Variants in OXR1 observed in about 807,000 individuals in gnomAD.
OXR1 encodes the protein oxidation resistance protein 1.
A neutral mutation model predicts 104.6 loss-of-function variants in OXR1; 41 were observed. That is an observed-to-expected ratio of 0.39 (90% CI 0.31 to 0.51). The LOEUF is 0.51. OXR1 is among the 20% of genes least tolerant of loss of function. The pLI, the probability that OXR1 is intolerant of heterozygous loss-of-function variation, is 0.77. For synonymous variants in OXR1, 348 were observed against 348.4 expected, an observed-to-expected ratio of 1.00 and a Z score of 0.01; for missense variants, 955 against 1,031.9, an observed-to-expected ratio of 0.93 and a Z score of 1.02.
At position 106,723,922 on chromosome 8, in the gene OXR1, T is replaced by C. The variant is rs1833085592; in HGVS notation, c.1956+9937T>C. Among the ~76,000 whole-genome samples the C allele has an allele frequency of 2.6e-5, 4 of 152,148 alleles. No homozygotes were observed. The South Asian group carries it at 8.3e-4, about 32-fold the overall frequency. ...CTCCTGCCTCATCCTCCTCAGTAGA[T>C]GGGACTACAGGTATGTGCCACCTCA... is the stretch of plus-strand genomic sequence containing the variant. On this transcript the variant is annotated intron_variant, in intron 11 of 16. Transcript: ENST00000517566.
intron 1 of OXR1, among the ~76,000 whole-genome samples, chr8:106,329,958 C>T (rs1029242348): frequency 1.1e-4 from 16 of 151,926 alleles, no homozygotes; most frequent in African/African-American, 3.6e-4. Flanking sequence ...TTGGCAAATA[C>T]TAAACTTTAA....
chr8:106,362,495 G>C (rs562307169), intron 2 of OXR1, among the ~76,000 whole-genome samples: 1 of 152,188 alleles, frequency 6.6e-6, no homozygotes, highest in East Asian at 1.9e-4. Context: ...ATAGTTATGT[G>C]TATGATACTT....
At chr8:106,388,163 A>G (rs1476725527) in intron 2 of OXR1, among the ~76,000 whole-genome samples, 1 of 152,228 alleles carries the variant, frequency 6.6e-6, no homozygotes, top group Admixed American at 6.5e-5. Context: ...TGAGTGCATC[A>G]AGAAGTAAAA....
rs541524705 is a variant in OXR1, at chr8:106,377,026, A to G, written c.23+17390A>G. ...TAACATTTTCCTAATTGTGTTCCACAGAACATTAATTCTATGGAACTCTAT... is the reference window on the plus strand; with the variant it reads ...TAACATTTTCCTAATTGTGTTCCACGGAACATTAATTCTATGGAACTCTAT... On this transcript the variant is annotated intron_variant, in intron 2 of 16. Transcript: ENST00000517566. 8.5e-5 allele frequency among the ~76,000 whole-genome samples: 13 copies of G among 152,366 alleles called. No individual in the cohort carries two copies. In the South Asian group the frequency reaches 2.3e-3, roughly 27 times the overall value.
chr8:106,371,674 G>T (rs1015623603), intron 2 of OXR1, among the ~76,000 whole-genome samples: 1 of 152,180 alleles, frequency 6.6e-6, no homozygotes, highest in East Asian at 1.9e-4. Flanking sequence ...TCAGGAGCAG[G>T]TTTTCCAGTT....
At chr8:106,329,460 G>T (rs1464672454) in intron 1 of OXR1, among the ~76,000 whole-genome samples, 1 of 150,732 alleles carries the variant, frequency 6.6e-6, no homozygotes, top group Non-Finnish European at 1.5e-5. Flanking sequence ...CCATTCTCCT[G>T]CCTCAGCCTC....
chr8:106,389,234 A>G (rs1415815154), intron 2 of OXR1, among the ~76,000 whole-genome samples: 6 of 152,284 alleles, frequency 3.9e-5, no homozygotes, highest in African/African-American at 1.4e-4. Flanking sequence ...TGCCTGCTAC[A>G]TGCAAAAAAG....
At chr8:106,736,866 GA>G (rs147355130) in intron 11 of OXR1, among the ~76,000 whole-genome samples, 38 of 150,304 alleles carry the variant, frequency 2.5e-4, no homozygotes, top group African/African-American at 9.0e-4. Context: ...GCAAAAAGTG[GA>G]AAAAAAAAGT....
At chr8:106,659,905 C>T (rs1417030878) in intron 3 of OXR1, among the ~76,000 whole-genome samples, 1 of 152,200 alleles carries the variant, frequency 6.6e-6, no homozygotes, top group African/African-American at 2.4e-5. Context: ...TATTCCTCTT[C>T]TGTTGAAGCT....
At chr8:106,435,807 T>C (rs1271074661) in intron 2 of OXR1, among the ~76,000 whole-genome samples, 1 of 152,178 alleles carries the variant, frequency 6.6e-6, no homozygotes, top group Non-Finnish European at 1.5e-5. Flanking sequence ...GTCTCAGGTA[T>C]AGTAACCATT....
chr8:106,545,192 C>G (rs889135442), intron 3 of OXR1, among the ~76,000 whole-genome samples: 1 of 152,108 alleles, frequency 6.6e-6, no homozygotes, highest in South Asian at 2.1e-4. Flanking sequence ...GAAAGCTACT[C>G]TTCTAGACAC....
intron 3 of OXR1, among the ~76,000 whole-genome samples, chr8:106,538,748 T>C (rs573878526): frequency 6.6e-6 from 1 of 152,170 alleles, no homozygotes; most frequent in South Asian, 2.1e-4. Context: ...TCAACAATTG[T>C]GAATAGCATA....
chr8:106,704,393 C>CTTCTT (rs1830917410), intron 8 of OXR1, among the ~76,000 whole-genome samples: 2 of 47,892 alleles, frequency 4.2e-5, no homozygotes, highest in Non-Finnish European at 7.0e-5. Context: ...CTTTCTTCTT[C>CTTCTT]TTTTTTTTTT....
intron 2 of OXR1, 90 bp from the exon 3 acceptor site, chr8:106,518,853 A>G (rs1813054009): frequency 2.3e-6 from 2 of 875,316 alleles, no homozygotes; most frequent in Non-Finnish European, 3.4e-6. Flanking sequence ...AAGGTTAAAT[A>G]TAACTCAATT....
chr8:106,656,753 A>G (rs1000287298), intron 3 of OXR1, among the ~76,000 whole-genome samples: 6 of 151,902 alleles, frequency 3.9e-5, no homozygotes, highest in Admixed American at 3.3e-4. Context: ...AGAATGGTGA[A>G]ATTTATCCCA....
At chr8:106,724,015 G>C (rs995252969) in intron 11 of OXR1, among the ~76,000 whole-genome samples, 2 of 151,696 alleles carry the variant, frequency 1.3e-5, no homozygotes, top group African/African-American at 4.8e-5. Context: ...CAATCTTCTA[G>C]GCTCAAGTAA....
chr8:106,361,101 A>AAG (rs1169187454), intron 2 of OXR1, among the ~76,000 whole-genome samples: 1 of 152,202 alleles, frequency 6.6e-6, no homozygotes, highest in Non-Finnish European at 1.5e-5. Context: ...GAACTCCGCA[A>AAG]AGAGAGAGAC....
intron 2 of OXR1, among the ~76,000 whole-genome samples, chr8:106,465,559 T>C (rs1246282136): frequency 6.6e-6 from 1 of 151,956 alleles, no homozygotes; most frequent in African/African-American, 2.4e-5. Context: ...TGCTGTTGAC[T>C]TGGGCTAGAG....
chr8:106,736,457 A>G (rs373497776), intron 11 of OXR1, among the ~76,000 whole-genome samples: 74 of 152,184 alleles, frequency 4.9e-4, no homozygotes, highest in African/African-American at 1.7e-3. Flanking sequence ...TAAACTCTTT[A>G]TGAGCCAGTT....
Sources: allele counts gnomAD v4.1 joint callset (sites outside exome capture counted in the v4.1 genomes callset), GRCh38; gene constraint gnomAD v4.1.1; transcripts MANE v1.5; gene names NCBI Gene and HGNC (gene_info 2026-07-23, HGNC 2026-07-21).